Variants in PCDHGC3 observed in about 807,000 individuals in gnomAD.
PCDHGC3 encodes the protein protocadherin gamma-C3.
A neutral mutation model predicts 59.2 loss-of-function variants in PCDHGC3; 26 were observed. The observed-to-expected ratio is 0.44, with a 90% confidence interval of 0.32 to 0.61. PCDHGC3 has a LOEUF of 0.61. Ranked by LOEUF, PCDHGC3 falls within the 20% of genes least tolerant of loss-of-function variation. The pLI is 0.05. For synonymous variants in PCDHGC3, 487 were observed against 519.7 expected, an observed-to-expected ratio of 0.94 and a Z score of 0.86; for missense variants, 1,080 against 1,221.8, an observed-to-expected ratio of 0.88 and a Z score of 1.73.
At position 141,477,866 on chromosome 5, in the gene PCDHGC3, A is replaced by G; in HGVS notation, c.1750A>G (p.Thr584Ala). The part of the protein sequence containing the change: ...GSSVEMLPRG[T>A]SAGHLVSRVV... ...CTCGGTGGAGATGCTGCCTCGAGGT[A>G]CCTCAGCTGGCCACCTAGTGTCACG... Residue 584 changes from threonine to alanine, a missense_variant, in exon 1 of 4, where the codon ACC becomes GCC. Thr to Ala is a moderately conservative substitution (Grantham distance 58). Coordinates refer to ENST00000308177, the MANE Select transcript of PCDHGC3 (RefSeq NM_002588.4). This position sits in a 1 kb window ranked among gnomAD's most constrained non-coding sequence, Gnocchi z 4.9. 1 of 1,614,072 alleles carries G rather than the reference A, an allele frequency of 6.2e-7. No homozygotes were observed. Among genetic ancestry groups the G allele is most frequent in the Non-Finnish European group, 8.5e-7 (1 of 1,179,988 alleles).
In PCDHGC3 at chr5:141,491,276, A is replaced by G; in HGVS notation, c.2431-3531A>G. The G allele has an allele frequency of 6.2e-7, 1 of 1,614,104 alleles. No individual in the cohort carries two copies. On this transcript the variant is annotated intron_variant, in intron 1 of 3. Coordinates refer to ENST00000308177, the MANE Select transcript of PCDHGC3 (RefSeq NM_002588.4). The surrounding 1 kb of genome is among the most constrained non-coding windows in gnomAD (Gnocchi z 6.9). ...CCTGAGGAAATGCCCAAATCCAGTG[A>G]CTTCCTCATACACCCTCCTGAGCGT...
chr5:141,505,570 C>A, intron 3 of PCDHGC3, 89 bp downstream of exon 3: 1 of 1,598,160 alleles, frequency 6.3e-7, no homozygotes, highest in South Asian at 1.1e-5. Context: ...GACTGGATGT[C>A]AAACCTGTGT....
rs200625256 is a variant in PCDHGC3 at position 141,477,009 on chromosome 5, A to G, written c.893A>G (p.Asp298Gly). 7.5e-5 allele frequency: 121 copies of G among 1,614,064 alleles called. No homozygotes were observed. Among genetic ancestry groups the G allele is most frequent in the Non-Finnish European group, 9.2e-5 (109 of 1,180,028 alleles). The change falls in exon 1 of 4, where the codon GAC becomes GGC. Residue 298 changes from aspartate (D) to glycine (G), a missense_variant. Asp to Gly is a moderately conservative substitution (Grantham distance 94). Transcript: ENST00000308177. This position sits in a 1 kb window ranked among gnomAD's most constrained non-coding sequence, Gnocchi z 4.9. ...RAGVRQLFAL[D>G]LVTGMLTIKG... The stretch of plus-strand genomic sequence containing the variant: ...GGCGTGCGGCAACTATTCGCCTTAG[A>G]CCTTGTAACCGGGATGCTGACAATC...
chr5:141,483,637 G>C (rs1365525499), intron 1 of PCDHGC3, among the ~76,000 whole-genome samples: 2 of 145,762 alleles, frequency 1.4e-5, no homozygotes. Context: ...AAGGTATAGA[G>C]GGGTGTGTGT....
At position 141,485,272 on chromosome 5, in the gene PCDHGC3, C is replaced by T. The variant is rs764196730; in HGVS notation, c.2430+6726C>T. The T allele has an allele frequency of 1.9e-6, 3 of 1,613,948 alleles. No homozygotes were observed. The highest frequency in any genetic ancestry group is 2.7e-5 in the African/African-American group (2 of 74,932). On this transcript the variant is annotated intron_variant, in intron 1 of 3. Transcript: ENST00000308177. The surrounding 1 kb of genome is among the most constrained non-coding windows in gnomAD (Gnocchi z 5.7). ...GTTACGTTTGTGGGCAGATCCGCTACCCGGTCCCAGAGGAGTCACAGGAAG... is the reference window on the plus strand; with the variant it reads ...GTTACGTTTGTGGGCAGATCCGCTATCCGGTCCCAGAGGAGTCACAGGAAG...
intron 1 of PCDHGC3, among the ~76,000 whole-genome samples, chr5:141,488,697 A>T (rs1337725245): frequency 6.6e-6 from 1 of 152,162 alleles, no homozygotes; most frequent in Non-Finnish European, 1.5e-5. Context: ...GAAGGACAAG[A>T]TTTTGCTGGT....
intron 2 of PCDHGC3, among the ~76,000 whole-genome samples, chr5:141,500,877 AT>A (rs369345007): frequency 5.2e-4 from 64 of 122,250 alleles, no homozygotes; most frequent in Admixed American, 1.0e-3. Context: ...TTCATTTACA[AT>A]TTTTTTTTTT....
chr5:141,482,661 T>G (rs1215403061), intron 1 of PCDHGC3, among the ~76,000 whole-genome samples: 1 of 151,742 alleles, frequency 6.6e-6, no homozygotes, highest in Non-Finnish European at 1.5e-5. Flanking sequence ...TGAGCTATGA[T>G]CTAAAGGTTG....
intron 3 of PCDHGC3, among the ~76,000 whole-genome samples, chr5:141,508,937 G>T (rs764041162): frequency 3.0e-4 from 45 of 152,040 alleles, no homozygotes; most frequent in Non-Finnish European, 6.3e-4. Flanking sequence ...AGTTAATTAG[G>T]GAAAACAGAG....
chr5:141,509,292 T>A (rs1407798154), intron 3 of PCDHGC3, among the ~76,000 whole-genome samples: 1 of 152,028 alleles, frequency 6.6e-6, no homozygotes, highest in Non-Finnish European at 1.5e-5. Context: ...GGGTCCAGGG[T>A]GGAGGCAGAG....
Position 141,490,004 on chromosome 5 carries a change from C to T in PCDHGC3, c.2431-4803C>T. On this transcript the variant is annotated intron_variant, in intron 1 of 3. Coordinates refer to ENST00000308177, the MANE Select transcript of PCDHGC3 (RefSeq NM_002588.4). This position sits in a 1 kb window ranked among gnomAD's most constrained non-coding sequence, Gnocchi z 5.4. ...CTACGTGTGGGAATCCCAGAGAATG[C>T]ACCCATTGGTACTCTGCTGCTCCGC... The T allele has an allele frequency of 1.9e-6, 3 of 1,614,174 alleles. No individual in the cohort carries two copies. Among genetic ancestry groups the T allele is most frequent in the Non-Finnish European group, 2.5e-6 (3 of 1,179,980 alleles).
At chr5:141,495,379 C>T (rs989240656) in intron 2 of PCDHGC3, among the ~76,000 whole-genome samples, 3 of 152,208 alleles carry the variant, frequency 2.0e-5, no homozygotes, top group Non-Finnish European at 4.4e-5. Context: ...TGAGGAAGGA[C>T]TGGGCGGGGC....
In PCDHGC3 at chr5:141,490,801, A is replaced by G; in HGVS notation, c.2431-4006A>G. On this transcript the variant is annotated intron_variant, in intron 1 of 3. Transcript: ENST00000308177. The surrounding 1 kb of genome is among the most constrained non-coding windows in gnomAD (Gnocchi z 5.4). ...GGATGGACGGATCTTTGCCCAGCGT[A>G]CCTTTGACTATGAATTGCTGCAGAT... The G allele has an allele frequency of 6.2e-7, 1 of 1,613,854 alleles. No homozygotes were observed. Among genetic ancestry groups the G allele is most frequent in the African/African-American group, 1.3e-5 (1 of 75,042 alleles).
intron 2 of PCDHGC3, 114 bp from the exon 3 acceptor site, chr5:141,505,279 C>A (rs780513022): frequency 1.3e-6 from 2 of 1,541,274 alleles, no homozygotes; most frequent in Non-Finnish European, 1.7e-6. Flanking sequence ...AGAAACAGGT[C>A]TTGGGCATGG....
At chr5:141,502,547 C>G (rs1340258642) in intron 2 of PCDHGC3, among the ~76,000 whole-genome samples, 2 of 152,156 alleles carry the variant, frequency 1.3e-5, no homozygotes, top group East Asian at 3.8e-4. Context: ...GTGGTAAAAA[C>G]AGTGTCCCAG....
At chr5:141,483,907 C>A (rs545585133) in intron 1 of PCDHGC3, among the ~76,000 whole-genome samples, 1 of 151,240 alleles carries the variant, frequency 6.6e-6, no homozygotes, top group East Asian at 1.9e-4. Context: ...TGGTGTGTTT[C>A]CCACTCAGAT....
Position 141,485,804 on chromosome 5 carries a change from G to A in PCDHGC3, c.2430+7258G>A. 6.2e-7 allele frequency: 1 copy of A among 1,614,218 alleles called. No individual in the cohort carries two copies. On this transcript the variant is annotated intron_variant, in intron 1 of 3. Coordinates refer to ENST00000308177, the MANE Select transcript of PCDHGC3 (RefSeq NM_002588.4). This position sits in a 1 kb window ranked among gnomAD's most constrained non-coding sequence, Gnocchi z 5.7. The stretch of plus-strand genomic sequence containing the variant: ...AGAGAAGCAATCGGACTACCGCCTG[G>A]TGCTGACTGCTGTCGATGGAGGGAA...
Position 141,486,427 on chromosome 5 carries a change from A to G in PCDHGC3, c.2430+7881A>G. On this transcript the variant is annotated intron_variant, in intron 1 of 3. Transcript: ENST00000308177. This position sits in a 1 kb window ranked among gnomAD's most constrained non-coding sequence, Gnocchi z 5.0. ...CTGGACCCTTGGATCGAGAGGCCAA[A>G]TCTAGCTATGACATCATGGTCACTG... The G allele has an allele frequency of 6.2e-7, 1 of 1,614,160 alleles. No homozygotes were observed. Among genetic ancestry groups the G allele is most frequent in the Non-Finnish European group, 8.5e-7 (1 of 1,180,016 alleles).
In PCDHGC3 at chr5:141,478,165, C is replaced by T. The variant is rs780594020; in HGVS notation, c.2049C>T (p.Pro683=). 1.1e-5 allele frequency: 18 copies of T among 1,613,920 alleles called. No homozygotes were observed. Among genetic ancestry groups the T allele is most frequent in the Non-Finnish European group, 1.5e-5 (18 of 1,180,046 alleles). The change falls in exon 1 of 4, where the codon CCC becomes CCT. Residue 683 remains proline, a synonymous_variant. Transcript: ENST00000308177. ...CCGAGTTCCCCTCTGGCTCTGCCCC[C>T]CGGGAGCAGAAAAAAAATCTCACCT... The part of the protein sequence containing the change: ...ARAEFPSGSA[P]REQKKNLTFY...
Sources: allele counts gnomAD v4.1 joint callset (sites outside exome capture counted in the v4.1 genomes callset), GRCh38; gene constraint gnomAD v4.1.1; non-coding constraint Gnocchi (gnomAD v3.1); transcripts MANE v1.5; gene names NCBI Gene and HGNC (gene_info 2026-07-23, HGNC 2026-07-21).